SCN7A: variants seen among roughly 807,000 people sequenced by gnomAD.
SCN7A encodes the protein sodium channel protein type 7 subunit alpha.
Under a neutral mutation model 155.2 loss-of-function variants are expected in SCN7A, and 138 were observed. That is an observed-to-expected ratio of 0.89 (90% confidence interval 0.77 to 1.02). SCN7A has a LOEUF of 1.02. SCN7A is among the 50% of genes least tolerant of loss of function. The pLI is 0.00. For missense variants in SCN7A, 2,058 were observed against 1,986.6 expected, an observed-to-expected ratio of 1.04 and a Z score of -0.68; for synonymous variants, 693 against 649.0, an observed-to-expected ratio of 1.07 and a Z score of -1.03.
At chr2:166,429,330 T>C in intron 16 of SCN7A, 56 bp from the exon 17 acceptor site, 7 of 1,045,816 alleles carry the variant, frequency 6.7e-6, no homozygotes, top group Non-Finnish European at 8.4e-6. Flanking sequence ...TTACCCATGG[T>C]GGCCAAAGTT....
At position 166,492,268 on chromosome 2, in the gene SCN7A, T is replaced by G. The variant is rs74432996; in HGVS notation, c.-128+1700A>C. Among the ~76,000 whole-genome samples the G allele has an allele frequency of 9.0e-3, 1,363 of 152,210 alleles. 25 individuals carry two copies. Among genetic ancestry groups the G allele is most frequent in the African/African-American group, 0.032 (1,317 of 41,518 alleles). On this transcript the variant is annotated intron_variant, in intron 1 of 25. Transcript: ENST00000643258. The stretch of plus-strand genomic sequence containing the variant: ...CTGAGCCCATGTACAAATTGAGTTC[T>G]TTCTTCTATTACTTTAAACATATCC...
intron 21 of SCN7A, among the ~76,000 whole-genome samples, chr2:166,414,897 T>TTATATAGGATAATATATAATATA (rs1553513977): frequency 0.014 from 387 of 27,572 alleles, 7 homozygotes; most frequent in East Asian, 0.051. Flanking sequence ...ATAATATATA[T>TTATATAGGATAATATATAATATA]TATTATATAG....
At chr2:166,479,522 T>C (rs1702873306) in intron 2 of SCN7A, among the ~76,000 whole-genome samples, 1 of 152,080 alleles carries the variant, frequency 6.6e-6, no homozygotes, top group African/African-American at 2.4e-5. Context: ...GGAATCAAGT[T>C]TTCTGGGTTT....
chr2:166,486,585 A>G (rs756301825), intron 2 of SCN7A, among the ~76,000 whole-genome samples: 2 of 152,200 alleles, frequency 1.3e-5, no homozygotes, highest in Non-Finnish European at 2.9e-5. Flanking sequence ...TCTGGAGTGC[A>G]TATCAGAAAT....
intron 16 of SCN7A, among the ~76,000 whole-genome samples, chr2:166,430,270 T>C (rs1327752885): frequency 6.6e-6 from 1 of 152,002 alleles, no homozygotes; most frequent in Non-Finnish European, 1.5e-5. Flanking sequence ...TTTTTTGCTT[T>C]AGTTCTTACG....
chr2:166,414,116 TATATA>T (rs1229918735), intron 21 of SCN7A, among the ~76,000 whole-genome samples: 5 of 87,236 alleles, frequency 5.7e-5, no homozygotes, highest in South Asian at 5.7e-4. Flanking sequence ...TATATAAATA[TATATA>T]ATATATTATA....
At chr2:166,453,748 G>A (rs1211963388) in intron 11 of SCN7A, among the ~76,000 whole-genome samples, 2 of 152,098 alleles carry the variant, frequency 1.3e-5, no homozygotes, top group Non-Finnish European at 2.9e-5. Flanking sequence ...ATAACATGAG[G>A]ATATGAAGCA....
chr2:166,485,427 G>T (rs990807161), intron 2 of SCN7A, among the ~76,000 whole-genome samples: 9 of 152,058 alleles, frequency 5.9e-5, no homozygotes, highest in African/African-American at 1.9e-4. Context: ...CACAAACAGT[G>T]CCAGATAACC....
chr2:166,414,059 A>AAAATATATTATATATGTAAATATATGT (rs1701271268), intron 21 of SCN7A, among the ~76,000 whole-genome samples: 1 of 79,372 alleles, frequency 1.3e-5, no homozygotes, highest in African/African-American at 4.5e-5. Flanking sequence ...TAAATATATA[A>AAAATATATTATATATGTAAATATATGT]AAATATATTA....
chr2:166,449,531 A>G (rs1027152793), intron 11 of SCN7A, among the ~76,000 whole-genome samples: 11 of 152,254 alleles, frequency 7.2e-5, no homozygotes, highest in Middle Eastern at 3.4e-3. Flanking sequence ...CTAGAGCTAG[A>G]GGAGGATAAA....
At chr2:166,470,098 T>A (rs1040838579) in intron 7 of SCN7A, among the ~76,000 whole-genome samples, 8 of 151,830 alleles carry the variant, frequency 5.3e-5, no homozygotes, top group Non-Finnish European at 1.0e-4. Context: ...AGCTGTAACT[T>A]AGTCTTCAGC....
chr2:166,467,429 A>G (rs1432958071), intron 7 of SCN7A, among the ~76,000 whole-genome samples: 1 of 150,996 alleles, frequency 6.6e-6, no homozygotes, highest in Non-Finnish European at 1.5e-5. Context: ...AAGAAGAGCA[A>G]TTCTTAAAGA....
At chr2:166,474,903 C>T (rs1176775849) in intron 3 of SCN7A, among the ~76,000 whole-genome samples, 6 of 150,908 alleles carry the variant, frequency 4.0e-5, no homozygotes, top group African/African-American at 1.5e-4. Context: ...AAACCTAATA[C>T]ATTGAGATAT....
chr2:166,405,962 T>C lies in SCN7A; in HGVS notation c.4667A>G (p.Lys1556Arg), dbSNP rs1559082288. 6.2e-7 allele frequency: 1 copy of C among 1,612,954 alleles called. No homozygotes were observed. Among genetic ancestry groups the C allele is most frequent in the Non-Finnish European group, 8.5e-7 (1 of 1,179,350 alleles). Residue 1556 changes from lysine (K) to arginine (R), a missense_variant, in exon 26 of 26, where the codon AAG becomes AGG. Physicochemically the swap from Lys to Arg is conservative, Grantham distance 26. Transcript: ENST00000643258. ...DPPLFMAKPN[K>R]GQLIALDLPM... is the part of the protein sequence containing the mutation. Reference sequence around the variant, plus strand: ...GAGGTCCAAAGCAATGAGCTGGCCCTTGTTTGGTTTTGCCATGAAAAGAGG... The same window carrying C: ...GAGGTCCAAAGCAATGAGCTGGCCCCTGTTTGGTTTTGCCATGAAAAGAGG...
Position 166,409,720 on chromosome 2 carries a change from A to T in SCN7A, c.3927T>A (p.Tyr1309Ter). ...CAAAAATGTTCCACGCAATGGTGAA[A>T]TAAAAACAACGGAAAGCGATGAGCT... ...ILKLIAFRCFYFTIAWNIFDF... is the reference protein window; with the variant it reads ...ILKLIAFRCF Residue 1309 changes from tyrosine to a stop codon, truncating the protein, a stop_gained, in exon 25 of 26, where the codon TAT becomes TAA. Coordinates refer to ENST00000643258, the MANE Select transcript of SCN7A (RefSeq NM_002976.4). LOFTEE classifies it high-confidence loss of function. 1.3e-6 allele frequency: 2 copies of T among 1,545,854 alleles called. No individual in the cohort carries two copies. The highest frequency in any genetic ancestry group is 1.7e-6 in the Non-Finnish European group (2 of 1,145,572).
At position 166,432,754 on chromosome 2, in the gene SCN7A, T is replaced by A; in HGVS notation, c.2158-2A>T. ...CAATGCCAGAAACAGGTAAAGTACC[T>A]AAATAAGGAAGTAAAATGAGGCTAA... On this transcript the variant is annotated splice_acceptor_variant, in intron 15 of 25. Transcript: ENST00000643258. LOFTEE classifies it high-confidence loss of function. 1 of 1,516,296 alleles carries A rather than the reference T, an allele frequency of 6.6e-7. No individual in the cohort carries two copies. Among genetic ancestry groups the A allele is most frequent in the Non-Finnish European group, 8.8e-7 (1 of 1,137,798 alleles). 93.9% of individuals were successfully genotyped at this position (1,516,296 alleles called of 1,614,324 possible).
rs774039907 is a variant in SCN7A at position 166,406,084 on chromosome 2, A to G, written c.4545T>C (p.Phe1515=). Residue 1515 remains phenylalanine (F), a synonymous_variant, in exon 26 of 26, where the codon TTT becomes TTC. Transcript: ENST00000643258. ...TTTTCCATACCTGAAAGAATTTCCT[A>G]AAATCATCTTCACTCAAGGTCTTGT... ...KKNKTLSEDD[F]RKFFQVWKRF... is the part of the protein sequence containing the mutation. 5 of 1,612,568 alleles carry G rather than the reference A, an allele frequency of 3.1e-6. No individual in the cohort carries two copies. The highest frequency in any genetic ancestry group is 4.2e-6 in the Non-Finnish European group (5 of 1,179,124).
Position 166,427,802 on chromosome 2 carries a change from T to C in SCN7A, c.2839A>G (p.Ser947Gly). ...TGCCCACTTACCAGAGTGCCAGTGC[T>C]GAGCAGAGTAACAAGCCCAATAAAA... ...KCFIGLVTLL[S>G]TGTLAFEDIY... Residue 947 changes from serine (S) to glycine (G), a missense_variant, in exon 18 of 26, where the codon AGC (serine) becomes GGC (glycine). Coordinates refer to ENST00000643258, the MANE Select transcript of SCN7A (RefSeq NM_002976.4). 2 of 1,610,912 alleles carry C rather than the reference T, an allele frequency of 1.2e-6. No individual in the cohort carries two copies. Among genetic ancestry groups the C allele is most frequent in the Non-Finnish European group, 1.7e-6 (2 of 1,178,422 alleles).
chr2:166,407,385 A>C (rs1205819954), intron 25 of SCN7A, among the ~76,000 whole-genome samples: 1 of 152,022 alleles, frequency 6.6e-6, no homozygotes, highest in East Asian at 1.9e-4. Context: ...TGGAAGTATT[A>C]GAGAGAATGT....
Sources: gnomAD v4.1 joint callset for allele counts (sites outside exome capture counted in the v4.1 genomes callset) on GRCh38, gnomAD v4.1.1 for gene constraint, MANE v1.5 for transcripts, NCBI Gene and HGNC (gene_info 2026-07-23, HGNC 2026-07-21) for gene names.